MAP6: variants seen among roughly 807,000 people sequenced by gnomAD.
MAP6 encodes microtubule-associated protein 6.
A neutral mutation model predicts 42.4 loss-of-function variants in MAP6; 26 were observed. That is an observed-to-expected ratio of 0.61 (90% CI 0.45 to 0.85). The LOEUF is 0.85. Among genes scored for constraint, MAP6 ranks in the 40% least tolerant of loss-of-function variants. MAP6 has a pLI of 0.00. For synonymous variants in MAP6, 418 were observed against 443.8 expected, an observed-to-expected ratio of 0.94 and a Z score of 0.73; for missense variants, 966 against 1,099.0, an observed-to-expected ratio of 0.88 and a Z score of 1.71.
chr11:75,623,630 G>A (rs778222600), intron 1 of MAP6, among the ~76,000 whole-genome samples: 6 of 152,242 alleles, frequency 3.9e-5, no homozygotes, highest in East Asian at 1.9e-4. Flanking sequence ...CCATCTCTGC[G>A]TCCCTGGTGC....
At chr11:75,613,232 C>T (rs1411914200) in intron 1 of MAP6, among the ~76,000 whole-genome samples, 1 of 151,904 alleles carries the variant, frequency 6.6e-6, no homozygotes, top group Non-Finnish European at 1.5e-5. Flanking sequence ...GCTGATGTCA[C>T]CTCCTCCTGA....
intron 3 of MAP6, chr11:75,604,830 C>G (rs532185961): frequency 2.0e-6 from 2 of 985,386 alleles, no homozygotes; most frequent in Non-Finnish European, 2.4e-6. Context: ...GGCCTGGCAC[C>G]GCTGCCCTCT....
intron 3 of MAP6, among the ~76,000 whole-genome samples, chr11:75,593,897 T>C (rs753977945): frequency 1.3e-5 from 2 of 152,222 alleles, no homozygotes; most frequent in Non-Finnish European, 2.9e-5. Flanking sequence ...TTCAACCCCC[T>C]CCTAGCCATA....
At chr11:75,647,422 A>G (rs1271817516) in intron 1 of MAP6, among the ~76,000 whole-genome samples, 1 of 151,742 alleles carries the variant, frequency 6.6e-6, no homozygotes, top group Non-Finnish European at 1.5e-5. Flanking sequence ...AAAAATGTTC[A>G]ATAGAAGACA....
chr11:75,616,418 T>C (rs1942994496), intron 1 of MAP6, among the ~76,000 whole-genome samples: 1 of 152,238 alleles, frequency 6.6e-6, no homozygotes, highest in Admixed American at 6.5e-5. Flanking sequence ...AGGTGATTTA[T>C]GTTGCCATGG....
chr11:75,620,859 G>A (rs549451456), intron 1 of MAP6, among the ~76,000 whole-genome samples: 6 of 152,254 alleles, frequency 3.9e-5, no homozygotes, highest in African/African-American at 1.2e-4. Context: ...GACCGGGCAC[G>A]GTGGCTCACG....
In MAP6 at chr11:75,587,583, C is replaced by A; in HGVS notation, c.1918G>T (p.Asp640Tyr). The A allele has an allele frequency of 6.2e-7, 1 of 1,614,198 alleles. No homozygotes were observed. Among genetic ancestry groups the A allele is most frequent in the African/African-American group, 1.3e-5 (1 of 75,040 alleles). The change falls in exon 4 of 4, where the codon GAT becomes TAT. Residue 640 changes from aspartate (D) to tyrosine (Y), a missense_variant. Asp to Tyr is a radical substitution (Grantham distance 160). Around this residue, in one of 2 missense-constraint regions of MAP6, gnomAD observed 943 missense variants for 1,049.9 expected, o/e 0.90. Transcript: ENST00000304771. ...PMVSAPIKDQ[D>Y]PMVPEHPKDE... ...TTCGGATGCTCTGGGACCATGGGAT[C>A]TTGATCCTTGATAGGTGCTGAGACC...
intron 1 of MAP6, among the ~76,000 whole-genome samples, chr11:75,652,625 G>A (rs1943666897): frequency 6.6e-6 from 1 of 152,116 alleles, no homozygotes; most frequent in Non-Finnish European, 1.5e-5. Flanking sequence ...ATCACCTGAG[G>A]TCAGGATATC....
At chr11:75,642,111 C>T (rs989994517) in intron 1 of MAP6, among the ~76,000 whole-genome samples, 11 of 152,220 alleles carry the variant, frequency 7.2e-5, no homozygotes, top group African/African-American at 1.9e-4. Context: ...CTATTAGCTA[C>T]GCTTTTGAGG....
intron 1 of MAP6, among the ~76,000 whole-genome samples, chr11:75,656,547 A>T (rs1415250129): frequency 6.6e-6 from 1 of 152,164 alleles, no homozygotes; most frequent in Non-Finnish European, 1.5e-5. Context: ...TTTGGACAGG[A>T]GAGGCAAGCA....
chr11:75,629,803 G>A (rs188008522), intron 1 of MAP6, among the ~76,000 whole-genome samples: 41 of 152,264 alleles, frequency 2.7e-4, no homozygotes, highest in Middle Eastern at 3.4e-3. Flanking sequence ...AGGACAGTGA[G>A]GGCATTGCCG....
intron 1 of MAP6, among the ~76,000 whole-genome samples, chr11:75,641,610 G>A (rs1192972574): frequency 6.6e-6 from 1 of 152,208 alleles, no homozygotes; most frequent in African/African-American, 2.4e-5. Context: ...GACCACCTGA[G>A]AGAAAGCCTG....
rs556135696 is a variant in MAP6, at chr11:75,621,870, A to C, written c.906-13548T>G. Reference sequence around the variant, plus strand: ...AAACCTCGTCTCTACTAAAAATACAAAAATTAGCCAGGTGTTGTGGTGGGT... The same window carrying C: ...AAACCTCGTCTCTACTAAAAATACACAAATTAGCCAGGTGTTGTGGTGGGT... On this transcript the variant is annotated intron_variant, in intron 1 of 3. Coordinates refer to ENST00000304771, the MANE Select transcript of MAP6 (RefSeq NM_033063.2). Among the ~76,000 whole-genome samples, 109 of 152,224 alleles carry C rather than the reference A, an allele frequency of 7.2e-4. 1 individual carries two copies. Among genetic ancestry groups the C allele is most frequent in the African/African-American group, 2.5e-3 (104 of 41,532 alleles).
At chr11:75,625,079 G>A (rs950437857) in intron 1 of MAP6, among the ~76,000 whole-genome samples, 7 of 152,164 alleles carry the variant, frequency 4.6e-5, no homozygotes, top group Admixed American at 2.6e-4. Flanking sequence ...GCCTCGCCGA[G>A]GAATCTCAGG....
chr11:75,610,085 C>T (rs1398155241), intron 1 of MAP6, among the ~76,000 whole-genome samples: 1 of 152,202 alleles, frequency 6.6e-6, no homozygotes, highest in East Asian at 1.9e-4. Flanking sequence ...CCATGTGACA[C>T]CCTGTGCTGC....
chr11:75,620,949 T>C lies in MAP6; in HGVS notation c.906-12627A>G, dbSNP rs371765069. Among the ~76,000 whole-genome samples, 5 of 151,918 alleles carry C rather than the reference T, an allele frequency of 3.3e-5. No homozygotes were observed. The East Asian group carries it at 5.8e-4, about 18-fold the overall frequency. ...ATAGAGACCATCCTGGCTAACACGG[T>C]GAAACCCCGTCTCTACTAAAAAATA... On this transcript the variant is annotated intron_variant, in intron 1 of 3. Transcript: ENST00000304771.
chr11:75,665,078 A>G (rs567192858), intron 1 of MAP6, among the ~76,000 whole-genome samples: 48 of 152,342 alleles, frequency 3.2e-4, no homozygotes, highest in Non-Finnish European at 6.2e-4. Context: ...CTAAATTTAA[A>G]AATTTTTTTG....
intron 3 of MAP6, chr11:75,596,559 G>A (rs640703): frequency 0.49 from 74,924 of 152,234 alleles, 18,595 homozygotes; most frequent in Middle Eastern, 0.61. Context: ...GCATTCAGCC[G>A]ACCCTGAAAA....
At chr11:75,620,495 AAAAG>A (rs1233623462) in intron 1 of MAP6, among the ~76,000 whole-genome samples, 1 of 151,662 alleles carries the variant, frequency 6.6e-6, no homozygotes, top group African/African-American at 2.4e-5. Flanking sequence ...AAAAAAAAAA[AAAAG>A]AAAGAAAGAA....
Sources: gnomAD v4.1 joint callset for allele counts (sites outside exome capture counted in the v4.1 genomes callset) on GRCh38, gnomAD v4.1.1 for gene constraint, gnomAD v4.1.1 regional missense constraint, MANE v1.5 for transcripts, NCBI Gene and HGNC (gene_info 2026-07-23, HGNC 2026-07-21) for gene names.